Variants in SORCS2 observed in about 807,000 individuals in gnomAD.
The protein encoded by SORCS2 is VPS10 domain-containing receptor SorCS2.
In SORCS2, 100 loss-of-function variants were observed where a neutral mutation model predicts 141.6. The ratio of observed to expected loss-of-function variants is 0.71; its 90% CI spans 0.60 to 0.83. The LOEUF (loss-of-function observed/expected upper bound fraction) is 0.83, where lower values mean the gene tolerates loss of function less well. Among genes scored for constraint, SORCS2 ranks in the 40% least tolerant of loss-of-function variants. The pLI is 0.00. For missense variants in SORCS2, 1,646 were observed against 1,560.2 expected, an observed-to-expected ratio of 1.05 and a Z score of -0.93; for synonymous variants, 789 against 676.9, an observed-to-expected ratio of 1.17 and a Z score of -2.57.
intron 1 of SORCS2, among the ~76,000 whole-genome samples, chr4:7,295,573 G>A (rs766915034): frequency 4.6e-5 from 7 of 152,172 alleles, no homozygotes; most frequent in African/African-American, 9.7e-5. Flanking sequence ...GATGGGAAGC[G>A]CTGGTGGGGG....
chr4:7,304,346 CCTT>C (rs1440457100), intron 1 of SORCS2, among the ~76,000 whole-genome samples: 5 of 152,176 alleles, frequency 3.3e-5, no homozygotes, highest in Non-Finnish European at 7.3e-5. Context: ...CTCTGTCTGT[CCTT>C]CTGCCCTTCC....
chr4:7,591,807 G>C (rs963214902), intron 3 of SORCS2, among the ~76,000 whole-genome samples: 1 of 152,304 alleles, frequency 6.6e-6, no homozygotes, highest in South Asian at 2.1e-4. Context: ...CGTCAGGGGT[G>C]CCCGCCGCAC....
chr4:7,664,460 A>G lies in SORCS2; in HGVS notation c.1060A>G (p.Ile354Val), dbSNP rs764958521. ...GTCTCTGACCGTGCAGGACGATTACATCTTCTTTAAGGTAAGGTTGCTTCT... is the reference window on the plus strand; with the variant it reads ...GTCTCTGACCGTGCAGGACGATTACGTCTTCTTTAAGGTAAGGTTGCTTCT... The part of the protein sequence containing the change: ...HGSLTVQDDY[I>V]FFKATSANQT... Residue 354 changes from isoleucine (I) to valine (V), a missense_variant, in exon 7 of 27, where the codon ATC becomes GTC. Physicochemically the swap from Ile to Val is conservative, Grantham distance 29. Coordinates refer to ENST00000507866, the MANE Select transcript of SORCS2 (RefSeq NM_020777.3). The surrounding 1 kb of genome is among the most constrained non-coding windows in gnomAD (Gnocchi z 4.7). 16 of 1,611,734 alleles carry G rather than the reference A, an allele frequency of 9.9e-6. No individual in the cohort carries two copies. Among genetic ancestry groups the G allele is most frequent in the East Asian group, 2.2e-5 (1 of 44,806 alleles).
At chr4:7,278,169 C>T (rs1465864668) in intron 1 of SORCS2, among the ~76,000 whole-genome samples, 2 of 152,284 alleles carry the variant, frequency 1.3e-5, no homozygotes, top group East Asian at 1.9e-4. Flanking sequence ...CTGGGCCCAG[C>T]AGGAGCTGTG....
intron 1 of SORCS2, among the ~76,000 whole-genome samples, chr4:7,264,818 C>T (rs535277023): frequency 6.6e-6 from 1 of 152,326 alleles, no homozygotes; most frequent in African/African-American, 2.4e-5. Context: ...GAGATGCACC[C>T]TCTCCGTGCA....
At chr4:7,258,815 T>C (rs1714111254) in intron 1 of SORCS2, among the ~76,000 whole-genome samples, 1 of 152,244 alleles carries the variant, frequency 6.6e-6, no homozygotes, top group Non-Finnish European at 1.5e-5. Flanking sequence ...ATGATGGCCA[T>C]TCTAACTGGC....
chr4:7,382,030 G>A (rs758184662), intron 1 of SORCS2: 11 of 972,010 alleles, frequency 1.1e-5, no homozygotes, highest in Admixed American at 1.2e-4. Context: ...GAAGGGAGTC[G>A]GGTCAAAGAT....
At chr4:7,404,799 T>C (rs1272199014) in intron 2 of SORCS2, among the ~76,000 whole-genome samples, 1 of 152,190 alleles carries the variant, frequency 6.6e-6, no homozygotes, top group Non-Finnish European at 1.5e-5. Context: ...TCCCGTTGTG[T>C]AGGTTGTCTG....
Position 7,667,221 on chromosome 4 carries a change from G to A in SORCS2, c.1161+8G>A, listed in dbSNP as rs181733999. 90 of 1,613,144 alleles carry A rather than the reference G, an allele frequency of 5.6e-5. No individual in the cohort carries two copies. The African/African-American group carries it at 1.1e-3, about 19-fold the overall frequency. On this transcript the variant is annotated splice_region_variant and intron_variant, in intron 8 of 26. Transcript: ENST00000507866. ...AAGTATGCATTGCCAAAGGTAAGGT[G>A]CTCCCCATTCCGCCTGGTCCTGTGG...
At position 7,192,725 on chromosome 4, in the gene SORCS2, CCGCCGCGCT is replaced by C; in HGVS notation, c.92_100del (p.Pro31_Ser33del). ...AGCCCCGAGCCCCGGGGCTCCGCCG[CCGCCGCGCT>C]CGCCGCGCTCGCGGCCGCTCCTGCT... On this transcript the variant is annotated inframe_deletion, in exon 1 of 27. Coordinates refer to ENST00000507866, the MANE Select transcript of SORCS2 (RefSeq NM_020777.3). This position sits in a 1 kb window ranked among gnomAD's most constrained non-coding sequence, Gnocchi z 4.0. 7 of 990,754 alleles carry C rather than the reference CCGCCGCGCT, an allele frequency of 7.1e-6. No homozygotes were observed. Among genetic ancestry groups the C allele is most frequent in the African/African-American group, 1.8e-5 (1 of 56,882 alleles). The allele number at this position is 990,754 out of a possible 1,614,324, so 61.4% of individuals were successfully genotyped here.
intron 2 of SORCS2, among the ~76,000 whole-genome samples, chr4:7,452,297 T>C (rs112680621): frequency 0.01 from 1,584 of 152,220 alleles, 32 homozygotes; most frequent in African/African-American, 0.036. Flanking sequence ...TATGCCACCA[T>C]GCCTGGGTAA....
chr4:7,504,940 C>G (rs1306689621), intron 2 of SORCS2, among the ~76,000 whole-genome samples: 1 of 152,218 alleles, frequency 6.6e-6, no homozygotes, highest in Non-Finnish European at 1.5e-5. Flanking sequence ...GGCCACCTGT[C>G]ATGCATGATG....
chr4:7,426,587 G>A (rs1427296838), intron 2 of SORCS2, among the ~76,000 whole-genome samples: 1 of 152,180 alleles, frequency 6.6e-6, no homozygotes, highest in Non-Finnish European at 1.5e-5. Context: ...CTCAGGGAGG[G>A]TTGGTGTCAT....
intron 1 of SORCS2, among the ~76,000 whole-genome samples, chr4:7,276,876 G>A (rs778101464): frequency 1.1e-4 from 16 of 152,170 alleles, no homozygotes; most frequent in Non-Finnish European, 2.1e-4. Context: ...ATCCAACCCC[G>A]TGGGGAAACT....
intron 1 of SORCS2, among the ~76,000 whole-genome samples, chr4:7,377,478 C>G (rs1225085104): frequency 1.3e-5 from 2 of 152,248 alleles, no homozygotes; most frequent in African/African-American, 4.8e-5. Context: ...AGCTTCCCCT[C>G]TGAAAGCCGA....
intron 3 of SORCS2, among the ~76,000 whole-genome samples, chr4:7,555,918 G>GT (rs1399894975): frequency 6.6e-6 from 1 of 152,222 alleles, no homozygotes; most frequent in Non-Finnish European, 1.5e-5. Flanking sequence ...GATGAGAAAG[G>GT]TGTGGAGCTG....
intron 18 of SORCS2, among the ~76,000 whole-genome samples, chr4:7,719,138 C>T (rs898039620): frequency 6.6e-6 from 1 of 152,240 alleles, no homozygotes; most frequent in African/African-American, 2.4e-5. Flanking sequence ...ACGGGAGATG[C>T]AGCTAGTGCG....
At chr4:7,405,648 ATATTGG>A in intron 2 of SORCS2, among the ~76,000 whole-genome samples, 1 of 152,164 alleles carries the variant, frequency 6.6e-6, no homozygotes, top group Middle Eastern at 3.4e-3. Flanking sequence ...AGCTAGATCA[ATATTGG>A]TATAAAGAAA....
intron 2 of SORCS2, among the ~76,000 whole-genome samples, chr4:7,398,057 G>A (rs1426907839): frequency 6.6e-6 from 1 of 152,198 alleles, no homozygotes; most frequent in East Asian, 1.9e-4. Flanking sequence ...GAGACTGTGT[G>A]AAGTGTCTTC....
Sources: allele counts gnomAD v4.1 joint callset (sites outside exome capture counted in the v4.1 genomes callset), GRCh38; gene constraint gnomAD v4.1.1; non-coding constraint Gnocchi (gnomAD v3.1); transcripts MANE v1.5; gene names NCBI Gene and HGNC (gene_info 2026-07-23, HGNC 2026-07-21).